MRE11: variants seen among roughly 807,000 people sequenced by gnomAD.
MRE11 encodes the protein MRE11 double strand break repair nuclease.
In MRE11, 62 loss-of-function variants were observed where a neutral mutation model predicts 91.7. The observed-to-expected ratio is 0.68, with a 90% confidence interval of 0.55 to 0.84. The LOEUF is 0.84. Among genes scored for constraint, MRE11 ranks in the 40% least tolerant of loss-of-function variants. The pLI is 0.00. For synonymous variants in MRE11, 273 were observed against 271.4 expected (o/e 1.01, Z -0.06); for missense variants, 796 against 852.9 (o/e 0.93, Z 0.83).
chr11:94,473,069 C>G (rs1048866169), intron 7 of MRE11: 1 of 151,988 alleles, frequency 6.6e-6, no homozygotes, highest in Admixed American at 6.6e-5. Flanking sequence ...AGCATCAGTA[C>G]GCGGAGAGAG....
chr11:94,468,288 G>A (rs2135027251), intron 9 of MRE11, among the ~76,000 whole-genome samples: 1 of 152,236 alleles, frequency 6.6e-6, no homozygotes, highest in East Asian at 1.9e-4. Flanking sequence ...TATTTATCTT[G>A]GAAGAGTTCA....
chr11:94,461,392 A>G (rs1946409337), intron 11 of MRE11, among the ~76,000 whole-genome samples: 1 of 152,240 alleles, frequency 6.6e-6, no homozygotes, highest in Admixed American at 6.5e-5. Flanking sequence ...TCATTGCTAC[A>G]CTGACGATGC....
intron 18 of MRE11, among the ~76,000 whole-genome samples, chr11:94,432,872 A>G (rs1387725138): frequency 6.6e-6 from 1 of 152,234 alleles, no homozygotes; most frequent in African/African-American, 2.4e-5. Context: ...CTGAATTCAC[A>G]CATTCAATTG....
chr11:94,437,757 T>C (rs1262696516), intron 16 of MRE11, among the ~76,000 whole-genome samples: 1 of 152,244 alleles, frequency 6.6e-6, no homozygotes, highest in Non-Finnish European at 1.5e-5. Flanking sequence ...ATACCTTTTT[T>C]CCTTTTAAAC....
At chr11:94,432,440 G>A (rs1945485265) in intron 18 of MRE11, among the ~76,000 whole-genome samples, 1 of 151,976 alleles carries the variant, frequency 6.6e-6, no homozygotes, top group African/African-American at 2.4e-5. Flanking sequence ...TCTTTTTTGA[G>A]GTGATCCTAT....
At chr11:94,492,141 T>C (rs1255272583) in intron 2 of MRE11, among the ~76,000 whole-genome samples, 1 of 152,082 alleles carries the variant, frequency 6.6e-6, no homozygotes, top group Admixed American at 6.5e-5. Flanking sequence ...CACATAACTT[T>C]TTTTTTTTAC....
rs762210984 is a variant in MRE11 at position 94,470,530 on chromosome 11, T to C, written c.958A>G (p.Ile320Val). The C allele has an allele frequency of 6.2e-7, 1 of 1,613,316 alleles. No individual in the cohort carries two copies. Among genetic ancestry groups the C allele is most frequent in the Non-Finnish European group, 8.5e-7 (1 of 1,179,436 alleles). The change falls in exon 9 of 20, where the codon ATT becomes GTT. Residue 320 changes from isoleucine to valine, a missense_variant. Transcript: ENST00000323929. Reference protein sequence around the residue: ...EDIVLANHPDIFNPDNPKVTQ... With the variant: ...EDIVLANHPDVFNPDNPKVTQ... ...ACTTTAGGATTATCTGGGTTAAAAATGTCTGGATGATTAGCTAGAACAATA... is the reference window on the plus strand; with the variant it reads ...ACTTTAGGATTATCTGGGTTAAAAACGTCTGGATGATTAGCTAGAACAATA...
intron 6 of MRE11, among the ~76,000 whole-genome samples, 163 bp from the exon 7 acceptor site, chr11:94,476,566 T>C (rs1044348919): frequency 6.6e-6 from 1 of 152,046 alleles, no homozygotes. Flanking sequence ...TTGCAGGTTC[T>C]TTTTTTATCT....
chr11:94,422,865 C>T (rs1242245734), intron 19 of MRE11, among the ~76,000 whole-genome samples: 1 of 152,040 alleles, frequency 6.6e-6, no homozygotes, highest in Non-Finnish European at 1.5e-5. Context: ...AGGCATGTGC[C>T]ACCATGTCCG....
chr11:94,426,418 CAAATTAACAATTTGTTAATTTAAATCA>C (rs1344502467), intron 19 of MRE11, among the ~76,000 whole-genome samples: 1 of 20,540 alleles, frequency 4.9e-5, no homozygotes, highest in Non-Finnish European at 1.3e-4. Context: ...TTAAGAGAAT[CAAATTAACAATTTGTTAATTTAAATCA>C]AATTAACAAT....
chr11:94,466,406 G>A, intron 10 of MRE11: 1 of 486,884 alleles, frequency 2.1e-6, no homozygotes, highest in Non-Finnish European at 4.3e-6. Flanking sequence ...GCTTCACTAT[G>A]CCAGCGACAG....
Position 94,420,033 on chromosome 11 carries a change from A to G in MRE11, c.*92T>C. The G allele has an allele frequency of 9.6e-7, 1 of 1,043,106 alleles. No homozygotes were observed. Among genetic ancestry groups the G allele is most frequent in the Non-Finnish European group, 1.4e-6 (1 of 693,082 alleles). 64.6% of individuals were successfully genotyped at this position (1,043,106 alleles called of 1,614,324 possible). A position where few individuals can be genotyped will look rare whatever the true frequency, so the allele number is the denominator to read the frequency against. On this transcript the variant is annotated 3_prime_UTR_variant, in exon 20 of 20. Transcript: ENST00000323929. Reference sequence around the variant, plus strand: ...CTTACTTATGGAGTTATGCTCAGGAAACAATACTTAAAATCTTAAACTGTA... The same window carrying G: ...CTTACTTATGGAGTTATGCTCAGGAGACAATACTTAAAATCTTAAACTGTA...
intron 13 of MRE11, among the ~76,000 whole-genome samples, chr11:94,457,390 G>C (rs1268809470): frequency 6.6e-6 from 1 of 152,194 alleles, no homozygotes; most frequent in African/African-American, 2.4e-5. Context: ...AAGCGATTCT[G>C]CTCTAGAAGA....
intron 19 of MRE11, among the ~76,000 whole-genome samples, chr11:94,426,069 G>A (rs1945305803): frequency 6.6e-6 from 1 of 152,106 alleles, no homozygotes; most frequent in African/African-American, 2.4e-5. Context: ...GATAGATCAC[G>A]TGTTCAGTCA....
chr11:94,421,801 C>G (rs1472914382), intron 19 of MRE11, among the ~76,000 whole-genome samples: 1 of 152,106 alleles, frequency 6.6e-6, no homozygotes, highest in African/African-American at 2.4e-5. Context: ...ATAAGCCAGT[C>G]ACAAAAAGGC....
the MRE11 span, among the ~76,000 whole-genome samples, chr11:94,507,587 A>C: frequency 0.013 from 1,934 of 152,364 alleles, 18 homozygotes; most frequent in Middle Eastern, 0.044. Context: ...TCTTAGCAGC[A>C]GAAGTGAACG....
chr11:94,509,016 T>C, the MRE11 span, among the ~76,000 whole-genome samples: 6 of 152,194 alleles, frequency 3.9e-5, no homozygotes, highest in Non-Finnish European at 7.3e-5. Flanking sequence ...CTCCTCAGCC[T>C]GCCAAAGTGC....
intron 14 of MRE11, among the ~76,000 whole-genome samples, chr11:94,456,002 C>T (rs1946239981): frequency 6.6e-6 from 1 of 152,102 alleles, no homozygotes; most frequent in South Asian, 2.1e-4. Flanking sequence ...TCACGCAATC[C>T]CCTCCAACCT....
intron 4 of MRE11, among the ~76,000 whole-genome samples, chr11:94,481,212 G>A (rs1156532520): frequency 1.3e-5 from 2 of 152,090 alleles, no homozygotes; most frequent in East Asian, 1.9e-4. Context: ...GGGAGACTGA[G>A]GCAGGACAAG....
Sources: gnomAD v4.1 joint callset for allele counts (sites outside exome capture counted in the v4.1 genomes callset) on GRCh38, gnomAD v4.1.1 for gene constraint, MANE v1.5 for transcripts, NCBI Gene and HGNC (gene_info 2026-07-23, HGNC 2026-07-21) for gene names.